Variants in MTMR2 observed in about 807,000 individuals in gnomAD.
MTMR2 encodes myotubularin related protein 2, also known as phosphatidylinositol-3,5-bisphosphate 3-phosphatase MTMR2.
Under a neutral mutation model 86.9 loss-of-function variants are expected in MTMR2, and 55 were observed. The ratio of observed to expected loss-of-function variants is 0.63; its 90% CI spans 0.51 to 0.79. The LOEUF (loss-of-function observed/expected upper bound fraction) is 0.79, where lower values mean the gene tolerates loss of function less well. Ranked by LOEUF, MTMR2 falls within the 30% of genes least tolerant of loss-of-function variation. The pLI, the probability that MTMR2 is intolerant of heterozygous loss-of-function variation, is 0.00. For missense variants in MTMR2, 659 were observed against 772.3 expected, an observed-to-expected ratio of 0.85 and a Z score of 1.74; for synonymous variants, 241 against 266.8, an observed-to-expected ratio of 0.90 and a Z score of 0.94.
At chr11:95,836,697 T>G (rs553472111) in intron 13 of MTMR2, among the ~76,000 whole-genome samples, 2 of 152,002 alleles carry the variant, frequency 1.3e-5, no homozygotes, top group Non-Finnish European at 2.9e-5. Context: ...CAATGGAATA[T>G]TATTCAGCCA....
intron 2 of MTMR2, among the ~76,000 whole-genome samples, chr11:95,884,313 A>T (rs1025946616): frequency 6.6e-6 from 1 of 152,214 alleles, no homozygotes; most frequent in Admixed American, 6.5e-5. Flanking sequence ...TTTCTCAAAG[A>T]TTTATTAAGA....
rs1171328964 is a variant in MTMR2, at chr11:95,850,739, T to C, written c.665A>G (p.Asn222Ser). Residue 222 changes from asparagine (N) to serine (S), a missense_variant, in exon 8 of 15, where the codon AAT becomes AGT. By Grantham distance (46) the Asn-to-Ser change is conservative (BLOSUM62 1). Coordinates refer to ENST00000346299, the MANE Select transcript of MTMR2 (RefSeq NM_016156.6). ...LLEYRRQGIP[N>S]ESWRITKINE... Reference sequence around the variant, plus strand: ...TATCTTTGTTATTCTCCAGCTTTCATTTGGAATTCCCTACATGTGAAATGA... The same window carrying C: ...TATCTTTGTTATTCTCCAGCTTTCACTTGGAATTCCCTACATGTGAAATGA... The C allele has an allele frequency of 6.2e-7, 1 of 1,613,948 alleles. No homozygotes were observed. The highest frequency in any genetic ancestry group is 8.5e-7 in the Non-Finnish European group (1 of 1,179,842).
intron 1 of MTMR2, among the ~76,000 whole-genome samples, chr11:95,901,423 C>T (rs1866070171): frequency 6.6e-6 from 1 of 152,168 alleles, no homozygotes; most frequent in Non-Finnish European, 1.5e-5. Flanking sequence ...TAGTAGCCAA[C>T]TATTCTCACA....
chr11:95,838,813 C>G (rs1863411042), intron 12 of MTMR2, among the ~76,000 whole-genome samples: 1 of 152,028 alleles, frequency 6.6e-6, no homozygotes, highest in Non-Finnish European at 1.5e-5. Context: ...AATTCACTCT[C>G]TAACCCAAGC....
chr11:95,908,952 G>C (rs1014161456), intron 1 of MTMR2, among the ~76,000 whole-genome samples: 1 of 152,102 alleles, frequency 6.6e-6, no homozygotes. Context: ...GAATAATATA[G>C]TACAGCACTA....
At chr11:95,885,775 A>G (rs1198078103) in intron 2 of MTMR2, among the ~76,000 whole-genome samples, 1 of 151,716 alleles carries the variant, frequency 6.6e-6, no homozygotes, top group Non-Finnish European at 1.5e-5. Flanking sequence ...AAAGTACAGT[A>G]TGTGGGTGGG....
chr11:95,872,649 T>C (rs1265040915), intron 2 of MTMR2, among the ~76,000 whole-genome samples: 1 of 152,198 alleles, frequency 6.6e-6, no homozygotes, highest in Non-Finnish European at 1.5e-5. Context: ...TCCAACACTA[T>C]GTTGAATAGG....
At chr11:95,863,123 T>C (rs1864484590) in intron 3 of MTMR2, among the ~76,000 whole-genome samples, 1 of 152,248 alleles carries the variant, frequency 6.6e-6, no homozygotes, top group Non-Finnish European at 1.5e-5. Context: ...TAATTTCCAA[T>C]ACATGGTTTT....
At chr11:95,888,078 A>C in intron 2 of MTMR2, 78 bp downstream of exon 2, 2 of 1,079,480 alleles carry the variant, frequency 1.9e-6, no homozygotes, top group Non-Finnish European at 2.8e-6. Flanking sequence ...TCTCCTGCTA[A>C]ATTAGTTATA....
intron 1 of MTMR2, among the ~76,000 whole-genome samples, chr11:95,891,121 T>C (rs1232171591): frequency 1.3e-5 from 2 of 152,138 alleles, no homozygotes; most frequent in Non-Finnish European, 2.9e-5. Context: ...AAAAATAATA[T>C]TGACAGACTA....
intron 1 of MTMR2, among the ~76,000 whole-genome samples, chr11:95,897,167 A>C (rs1283137680): frequency 6.6e-6 from 1 of 152,056 alleles, no homozygotes; most frequent in Non-Finnish European, 1.5e-5. Context: ...AAGTGCTTAC[A>C]ATGTTAGGGA....
At chr11:95,884,070 A>G (rs1366288222) in intron 2 of MTMR2, among the ~76,000 whole-genome samples, 1 of 152,186 alleles carries the variant, frequency 6.6e-6, no homozygotes, top group Non-Finnish European at 1.5e-5. Context: ...GTGAATGATA[A>G]TTTTCAAAAA....
intron 13 of MTMR2, among the ~76,000 whole-genome samples, chr11:95,837,763 T>C (rs918422583): frequency 2.0e-5 from 3 of 152,064 alleles, no homozygotes; most frequent in African/African-American, 7.2e-5. Context: ...ATTAAATTTT[T>C]CTGCACCTGC....
intron 1 of MTMR2, among the ~76,000 whole-genome samples, chr11:95,906,333 C>A (rs569688634): frequency 6.6e-6 from 1 of 152,254 alleles, no homozygotes; most frequent in South Asian, 2.1e-4. Flanking sequence ...GGATTCAATT[C>A]AACAAGAAGA....
chr11:95,895,160 GAA>G (rs35000788), intron 1 of MTMR2, among the ~76,000 whole-genome samples: 1 of 126,472 alleles, frequency 7.9e-6, no homozygotes, highest in African/African-American at 2.9e-5. Flanking sequence ...AGGGCCAGGA[GAA>G]AAAAAAAAAA....
At chr11:95,856,373 G>T in intron 7 of MTMR2, among the ~76,000 whole-genome samples, 1 of 148,786 alleles carries the variant, frequency 6.7e-6, no homozygotes, top group African/African-American at 2.5e-5. Flanking sequence ...TGAATAATCT[G>T]ATGCTTTATC....
intron 1 of MTMR2, among the ~76,000 whole-genome samples, chr11:95,889,255 G>C (rs489649): frequency 6.6e-6 from 1 of 151,310 alleles, no homozygotes; most frequent in African/African-American, 2.4e-5. Flanking sequence ...TGTCTCAGAC[G>C]CCTGAGTAGC....
At position 95,924,079 on chromosome 11, in the gene MTMR2, C is replaced by T. The variant is rs996287808; in HGVS notation, c.-125G>A. ...GGCCAGCGCCGGCCCGGGAGGGAGA[C>T]CGGAAGCGGCCATGTTCCCCCAGAG... On this transcript the variant is annotated 5_prime_UTR_variant, in exon 1 of 15. Transcript: ENST00000346299. The T allele has an allele frequency of 2.4e-6, 3 of 1,269,870 alleles. No homozygotes were observed. The highest frequency in any genetic ancestry group is 3.3e-6 in the Non-Finnish European group (3 of 897,128). The allele number at this position is 1,269,870 out of a possible 1,614,324, so 78.7% of individuals were successfully genotyped here.
At chr11:95,915,651 A>G (rs1866669768) in intron 1 of MTMR2, among the ~76,000 whole-genome samples, 1 of 152,158 alleles carries the variant, frequency 6.6e-6, no homozygotes, top group Non-Finnish European at 1.5e-5. Flanking sequence ...TATTTCCCTT[A>G]TGGAAACCAC....
Sources: allele counts gnomAD v4.1 joint callset (sites outside exome capture counted in the v4.1 genomes callset), GRCh38; gene constraint gnomAD v4.1.1; transcripts MANE v1.5; gene names NCBI Gene and HGNC (gene_info 2026-07-23, HGNC 2026-07-21).